SGCD: variants seen among roughly 807,000 people sequenced by gnomAD.
The protein encoded by SGCD is delta-sarcoglycan.
A neutral mutation model predicts 36.6 loss-of-function variants in SGCD; 18 were observed. The observed-to-expected ratio is 0.49, with a 90% CI of 0.34 to 0.73. SGCD has a LOEUF of 0.73. Ranked by LOEUF, SGCD falls within the 30% of genes least tolerant of loss-of-function variation. The pLI is 0.01. For missense variants in SGCD, 387 were observed against 346.7 expected (o/e 1.12, Z -0.92); for synonymous variants, 133 against 130.6 (o/e 1.02, Z -0.12).
intron 3 of SGCD, among the ~76,000 whole-genome samples, chr5:156,431,609 G>A (rs1359605060): frequency 6.6e-6 from 1 of 152,216 alleles, no homozygotes; most frequent in African/African-American, 2.4e-5. Flanking sequence ...AAGGTCTGCT[G>A]TTAAGATTAT....
At chr5:156,396,974 C>T (rs1771889589) in intron 3 of SGCD, among the ~76,000 whole-genome samples, 1 of 152,186 alleles carries the variant, frequency 6.6e-6, no homozygotes, top group Non-Finnish European at 1.5e-5. Flanking sequence ...GAAACAAAGA[C>T]GACTGGGGCA....
the SGCD span, among the ~76,000 whole-genome samples, chr5:155,744,731 G>A: frequency 6.6e-6 from 1 of 152,146 alleles, no homozygotes; most frequent in Non-Finnish European, 1.5e-5. Flanking sequence ...GGACAATATG[G>A]GAGAGAAGTG....
At chr5:156,648,768 T>C (rs563855285) in intron 7 of SGCD, among the ~76,000 whole-genome samples, 1 of 152,168 alleles carries the variant, frequency 6.6e-6, no homozygotes, top group Non-Finnish European at 1.5e-5. Flanking sequence ...CTATGTTTCA[T>C]ATAAGGTACT....
At chr5:155,775,005 G>A in the SGCD span, among the ~76,000 whole-genome samples, 4 of 152,122 alleles carry the variant, frequency 2.6e-5, no homozygotes, top group Admixed American at 2.6e-4. Context: ...GCATCTAAAT[G>A]CTTTTGAATT....
Position 156,650,941 on chromosome 5 carries a change from G to A in SGCD, c.575+3405G>A, listed in dbSNP as rs192611398. On this transcript the variant is annotated intron_variant, in intron 7 of 8. Coordinates refer to ENST00000337851, the MANE Select transcript of SGCD (RefSeq NM_000337.6). ...TGAACTAATTTACATTCCCACCAGCGGTGTATAAGTGTTCCTTTACTCCAC... is the reference window on the plus strand; with the variant it reads ...TGAACTAATTTACATTCCCACCAGCAGTGTATAAGTGTTCCTTTACTCCAC... Among the ~76,000 whole-genome samples the A allele has an allele frequency of 1.4e-3, 219 of 152,156 alleles. 1 individual carries two copies. The Middle Eastern group carries it at 0.02, about 14-fold the overall frequency.
chr5:155,794,690 A>G, the SGCD span, among the ~76,000 whole-genome samples: 1 of 152,146 alleles, frequency 6.6e-6, no homozygotes, highest in Non-Finnish European at 1.5e-5. Flanking sequence ...TATGGAATAT[A>G]AGGTAAGTGT....
chr5:155,991,798 C>A (rs1289192040), intron 1 of SGCD, among the ~76,000 whole-genome samples: 1 of 152,066 alleles, frequency 6.6e-6, no homozygotes. Flanking sequence ...CTCAATAACC[C>A]GTAACTATTA....
At chr5:156,137,338 TA>T (rs777888575) in intron 3 of SGCD, among the ~76,000 whole-genome samples, 3 of 152,218 alleles carry the variant, frequency 2.0e-5, no homozygotes, top group African/African-American at 2.4e-5. Flanking sequence ...GACCTGCATA[TA>T]AAAGTGTCAT....
chr5:156,186,528 G>C (rs896577972), intron 3 of SGCD, among the ~76,000 whole-genome samples: 1 of 152,106 alleles, frequency 6.6e-6, no homozygotes, highest in African/African-American at 2.4e-5. Context: ...ACTTTATCTG[G>C]TTTTATGCTA....
intron 3 of SGCD, among the ~76,000 whole-genome samples, chr5:156,295,676 T>C (rs1246675892): frequency 6.6e-6 from 1 of 152,230 alleles, no homozygotes; most frequent in Non-Finnish European, 1.5e-5. Flanking sequence ...AATACTTCTT[T>C]ATCCTAGCAG....
chr5:156,263,423 C>T (rs1356998861), intron 3 of SGCD, among the ~76,000 whole-genome samples: 3 of 151,842 alleles, frequency 2.0e-5, no homozygotes, highest in Admixed American at 6.6e-5. Flanking sequence ...TATTCATGTC[C>T]TTAGCCCATT....
At chr5:156,574,870 A>G (rs1281241011) in intron 4 of SGCD, among the ~76,000 whole-genome samples, 12 of 152,150 alleles carry the variant, frequency 7.9e-5, no homozygotes, top group Non-Finnish European at 1.6e-4. Context: ...GACTCCCCAG[A>G]ATGCCATGCA....
chr5:156,204,234 C>T (rs1764215589), intron 3 of SGCD, among the ~76,000 whole-genome samples: 1 of 151,924 alleles, frequency 6.6e-6, no homozygotes, highest in South Asian at 2.1e-4. Context: ...GAAATTTTCT[C>T]CCTTATGGGG....
intron 7 of SGCD, among the ~76,000 whole-genome samples, chr5:156,748,069 C>T (rs1001987637): frequency 3.9e-5 from 6 of 152,112 alleles, no homozygotes; most frequent in Non-Finnish European, 8.8e-5. Flanking sequence ...AAAGAATGAA[C>T]AACTGATGAA....
chr5:156,377,900 A>G (rs1770756829), intron 3 of SGCD, among the ~76,000 whole-genome samples: 1 of 152,186 alleles, frequency 6.6e-6, no homozygotes, highest in African/African-American at 2.4e-5. Context: ...TTTGTTATCC[A>G]TTGCTATTTA....
chr5:155,909,903 G>A, intron 1 of SGCD, among the ~76,000 whole-genome samples: 1 of 151,882 alleles, frequency 6.6e-6, no homozygotes, highest in East Asian at 1.9e-4. Context: ...TATTCCTAGA[G>A]AATGAATATT....
the SGCD span, among the ~76,000 whole-genome samples, chr5:155,827,672 CTTTTTTT>C: frequency 3.1e-5 from 2 of 64,424 alleles, no homozygotes; most frequent in African/African-American, 1.3e-4. Context: ...CTAAATAATT[CTTTTTTT>C]TTTTTTTTTT....
chr5:156,114,459 G>T (rs1761863294), intron 1 of SGCD, among the ~76,000 whole-genome samples: 1 of 151,950 alleles, frequency 6.6e-6, no homozygotes, highest in East Asian at 1.9e-4. Context: ...GTTTTACTGG[G>T]ATCATAAAAG....
chr5:156,644,698 C>T (rs1171632391), intron 6 of SGCD, among the ~76,000 whole-genome samples: 1 of 152,072 alleles, frequency 6.6e-6, no homozygotes, highest in Non-Finnish European at 1.5e-5. Flanking sequence ...TTGGGGTTAA[C>T]AGTTTAACTC....
Sources: allele counts gnomAD v4.1 joint callset (sites outside exome capture counted in the v4.1 genomes callset), GRCh38; gene constraint gnomAD v4.1.1; transcripts MANE v1.5; gene names NCBI Gene and HGNC (gene_info 2026-07-23, HGNC 2026-07-21).